Variants in PCDHGB3 observed in about 807,000 individuals in gnomAD.
The protein encoded by PCDHGB3 is protocadherin gamma-B3.
Under a neutral mutation model 59.2 loss-of-function variants are expected in PCDHGB3, and 40 were observed. That is an observed-to-expected ratio of 0.68 (90% CI 0.52 to 0.88). The LOEUF (loss-of-function observed/expected upper bound fraction) is 0.88. Among genes scored for constraint, PCDHGB3 ranks in the 40% least tolerant of loss-of-function variants. The pLI, the probability that PCDHGB3 is intolerant of heterozygous loss-of-function variation, is 0.00. For synonymous variants in PCDHGB3, 581 were observed against 503.6 expected, an observed-to-expected ratio of 1.15 and a Z score of -2.06; for missense variants, 1,309 against 1,187.9, an observed-to-expected ratio of 1.10 and a Z score of -1.50.
chr5:141,505,570 C>A, intron 3 of PCDHGB3, 89 bp downstream of exon 3: 1 of 1,598,160 alleles, frequency 6.3e-7, no homozygotes, highest in South Asian at 1.1e-5. Context: ...GACTGGATGT[C>A]AAACCTGTGT....
intron 1 of PCDHGB3, among the ~76,000 whole-genome samples, chr5:141,459,220 A>G (rs1234283814): frequency 6.6e-6 from 1 of 152,234 alleles, no homozygotes; most frequent in Non-Finnish European, 1.5e-5. Flanking sequence ...CTCCAGCTCC[A>G]GGCAACAACT....
chr5:141,501,328 CACA>C (rs2099808027), intron 2 of PCDHGB3, among the ~76,000 whole-genome samples: 1 of 151,710 alleles, frequency 6.6e-6, no homozygotes, highest in Non-Finnish European at 1.5e-5. Context: ...CACACACACA[CACA>C]CACCCCAAAC....
intron 1 of PCDHGB3, among the ~76,000 whole-genome samples, chr5:141,475,299 T>C (rs1227132122): frequency 6.6e-6 from 1 of 152,204 alleles, no homozygotes; most frequent in Non-Finnish European, 1.5e-5. Context: ...AAATTTCTTA[T>C]TGCTCCCTGG....
chr5:141,455,149 TTA>T (rs537241375), intron 1 of PCDHGB3, among the ~76,000 whole-genome samples: 1 of 148,248 alleles, frequency 6.7e-6, no homozygotes, highest in Non-Finnish European at 1.5e-5. Context: ...TAAATAAATA[TTA>T]GTTTGTTGGT....
At chr5:141,395,547 TGTGTGTGTGTGTGTGTGTG>T (rs2093270842) in intron 1 of PCDHGB3, 3 of 174,256 alleles carry the variant, frequency 1.7e-5, no homozygotes, top group Non-Finnish European at 3.5e-5. Flanking sequence ...ATTGTTTGTG[TGTGTGTGTGTGTGTGTGTG>T]TGTGTGTGTG....
chr5:141,399,797 G>A (rs760211919), intron 1 of PCDHGB3: 1 of 1,613,192 alleles, frequency 6.2e-7, no homozygotes, highest in Non-Finnish European at 8.5e-7. Context: ...AACGCACCGC[G>A]GGTGCTGTAC....
At chr5:141,473,682 G>A (rs2099326903) in intron 1 of PCDHGB3, among the ~76,000 whole-genome samples, 1 of 152,186 alleles carries the variant, frequency 6.6e-6, no homozygotes, top group Admixed American at 6.5e-5. Context: ...GGGAAGGGCT[G>A]GGGTTCTGAC....
intron 1 of PCDHGB3, among the ~76,000 whole-genome samples, chr5:141,386,518 A>C (rs2090605382): frequency 0.01 from 1 of 96 alleles, no homozygotes; most frequent in Non-Finnish European, 0.017. Flanking sequence ...TCTTCAAAAA[A>C]AGACTCTTTT....
In PCDHGB3 at chr5:141,486,042, G is replaced by A; in HGVS notation, c.2416-8765G>A. The A allele has an allele frequency of 6.2e-7, 1 of 1,614,180 alleles. No individual in the cohort carries two copies. The highest frequency in any genetic ancestry group is 8.5e-7 in the Non-Finnish European group (1 of 1,180,030). On this transcript the variant is annotated intron_variant, in intron 1 of 3. Coordinates refer to ENST00000576222, the MANE Select transcript of PCDHGB3 (RefSeq NM_018924.5). This position sits in a 1 kb window ranked among gnomAD's most constrained non-coding sequence, Gnocchi z 5.0. The stretch of plus-strand genomic sequence containing the variant: ...AGTGGTCATACCCCTGATCGTGTAA[G>A]AAACCTCTTTAGCCTGCACCCCACT...
rs769679454 is a variant in PCDHGB3 at position 141,374,960 on chromosome 5, T to C, written c.2415+2151T>C. 15 of 1,614,060 alleles carry C rather than the reference T, an allele frequency of 9.3e-6. No homozygotes were observed. In the East Asian group the frequency reaches 1.6e-4, roughly 17 times the overall value. On this transcript the variant is annotated intron_variant, in intron 1 of 3. Coordinates refer to ENST00000576222, the MANE Select transcript of PCDHGB3 (RefSeq NM_018924.5). ...TACAGAAAAGATCTCACAAATTTTC[T>C]GTTTGAATGTTTTGACTGGAGAAAT...
chr5:141,402,996 T>G, intron 1 of PCDHGB3: 3 of 1,613,890 alleles, frequency 1.9e-6, no homozygotes, highest in Non-Finnish European at 1.7e-6. Context: ...AGATTAGTCC[T>G]GCTATGCTCG....
intron 1 of PCDHGB3, chr5:141,393,683 G>A (rs370409157): frequency 9.9e-6 from 16 of 1,613,730 alleles, no homozygotes; most frequent in South Asian, 8.8e-5. Context: ...AACAAACTCC[G>A]TTATTCCAGC....
intron 1 of PCDHGB3, among the ~76,000 whole-genome samples, chr5:141,472,935 A>G (rs1593400204): frequency 6.6e-6 from 1 of 150,778 alleles, no homozygotes; most frequent in East Asian, 1.9e-4. Context: ...GTGGTGAGCC[A>G]AGATTATGCC....
In PCDHGB3 at chr5:141,431,469, A is replaced by G; in HGVS notation, c.2415+58660A>G. 1.9e-6 allele frequency: 3 copies of G among 1,613,824 alleles called. No individual in the cohort carries two copies. Among genetic ancestry groups the G allele is most frequent in the Non-Finnish European group, 2.5e-6 (3 of 1,179,968 alleles). ...CGCGTGATGGTTCTGGATGCGAACG[A>G]CAACGCACCAGCGTTTGCTCAGCCC... is the stretch of plus-strand genomic sequence containing the variant. On this transcript the variant is annotated intron_variant, in intron 1 of 3. Coordinates refer to ENST00000576222, the MANE Select transcript of PCDHGB3 (RefSeq NM_018924.5). This position sits in a 1 kb window ranked among gnomAD's most constrained non-coding sequence, Gnocchi z 4.8.
rs754577584 is a variant in PCDHGB3, at chr5:141,384,611, G to A, written c.2415+11802G>A. The A allele has an allele frequency of 4.3e-6, 7 of 1,614,098 alleles. No individual in the cohort carries two copies. The highest frequency in any genetic ancestry group is 5.9e-6 in the Non-Finnish European group (7 of 1,180,050). On this transcript the variant is annotated intron_variant, in intron 1 of 3. Coordinates refer to ENST00000576222, the MANE Select transcript of PCDHGB3 (RefSeq NM_018924.5). ...CTGTACCCGGCCCTCCCCACAGATG[G>A]TTCTACTGGCATGGAGCTGGCACCC...
intron 1 of PCDHGB3, among the ~76,000 whole-genome samples, chr5:141,450,899 A>G (rs1045595271): frequency 1.0e-4 from 15 of 149,514 alleles, no homozygotes; most frequent in African/African-American, 3.7e-4. Context: ...ATATCGGCTC[A>G]CTGCAACCGC....
chr5:141,383,651 T>TC, intron 1 of PCDHGB3: 1 of 1,613,922 alleles, frequency 6.2e-7, no homozygotes, highest in Non-Finnish European at 8.5e-7. Flanking sequence ...CAAGTAACTG[T>TC]CCCCGAGAAT....
intron 1 of PCDHGB3, chr5:141,399,585 T>C (rs1452769752): frequency 6.2e-7 from 1 of 1,613,984 alleles, no homozygotes; most frequent in South Asian, 1.1e-5. Context: ...TCTCCTACTC[T>C]ATCATGGCCA....
At chr5:141,475,983 C>T in intron 1 of PCDHGB3, 2 of 1,049,240 alleles carry the variant, frequency 1.9e-6, no homozygotes, top group Non-Finnish European at 2.8e-6. Context: ...GAACAGCCGG[C>T]GAGCAAATCA....
Sources: allele counts gnomAD v4.1 joint callset (sites outside exome capture counted in the v4.1 genomes callset), GRCh38; gene constraint gnomAD v4.1.1; non-coding constraint Gnocchi (gnomAD v3.1); transcripts MANE v1.5; gene names NCBI Gene and HGNC (gene_info 2026-07-23, HGNC 2026-07-21).